The following NXPH2 variants were observed in gnomAD, a reference collection of about 807,000 sequenced individuals.
NXPH2 encodes the protein neurexophilin 2, also known as neurexophilin-2.
NXPH2 carries 5 observed loss-of-function variants against 19.8 expected under a neutral mutation model. That is an observed-to-expected ratio of 0.25 (90% CI 0.13 to 0.53). The LOEUF (loss-of-function observed/expected upper bound fraction) is 0.53, where lower values mean the gene tolerates loss of function less well. Among genes scored for constraint, NXPH2 ranks in the 20% least tolerant of loss-of-function variants. NXPH2 has a pLI of 0.96. For synonymous variants in NXPH2, 154 were observed against 127.4 expected, an observed-to-expected ratio of 1.21 and a Z score of -1.41; for missense variants, 289 against 322.8, an observed-to-expected ratio of 0.90 and a Z score of 0.80.
chr2:138,759,680 G>T (rs541030500), intron 1 of NXPH2, among the ~76,000 whole-genome samples: 1 of 151,670 alleles, frequency 6.6e-6, no homozygotes, highest in Admixed American at 6.6e-5. Context: ...AAGACAAAGC[G>T]GGTATGGATA....
chr2:138,716,168 C>T (rs1295409614), intron 1 of NXPH2, among the ~76,000 whole-genome samples: 1 of 152,154 alleles, frequency 6.6e-6, no homozygotes, highest in Non-Finnish European at 1.5e-5. Context: ...TACCGAACTC[C>T]ATTTTTTTAA....
At chr2:138,780,070 G>T in intron 1 of NXPH2, 121 bp downstream of exon 1, 1 of 977,974 alleles carries the variant, frequency 1.0e-6, no homozygotes, top group Non-Finnish European at 1.4e-6. Flanking sequence ...CTTGCCCTCC[G>T]CGCGCCCCCA....
intron 1 of NXPH2, among the ~76,000 whole-genome samples, chr2:138,752,354 A>C (rs1231156223): frequency 6.6e-6 from 1 of 152,122 alleles, no homozygotes; most frequent in Non-Finnish European, 1.5e-5. Context: ...AATTCAGGAG[A>C]GGGCCTCTTA....
chr2:138,723,136 A>G (rs1681305343), intron 1 of NXPH2, among the ~76,000 whole-genome samples: 1 of 151,664 alleles, frequency 6.6e-6, no homozygotes, highest in Non-Finnish European at 1.5e-5. Flanking sequence ...TTCACATTAA[A>G]GCAAAGCTAA....
intron 1 of NXPH2, among the ~76,000 whole-genome samples, chr2:138,756,463 T>G (rs926880055): frequency 6.6e-6 from 1 of 150,526 alleles, no homozygotes; most frequent in African/African-American, 2.4e-5. Context: ...TTTTTTTTTT[T>G]GCCTTTTTAT....
At chr2:138,759,917 G>C (rs1424166812) in intron 1 of NXPH2, among the ~76,000 whole-genome samples, 1 of 151,888 alleles carries the variant, frequency 6.6e-6, no homozygotes, top group Non-Finnish European at 1.5e-5. Context: ...TTTTAATAGA[G>C]ATGGGATTTC....
intron 1 of NXPH2, among the ~76,000 whole-genome samples, chr2:138,685,159 TG>T (rs1263179119): frequency 1.3e-5 from 2 of 152,348 alleles, no homozygotes; most frequent in East Asian, 3.9e-4. Flanking sequence ...AAAGCAAAAC[TG>T]AGGTTTCCTT....
chr2:138,707,573 C>T (rs1681036105), intron 1 of NXPH2, among the ~76,000 whole-genome samples: 2 of 152,224 alleles, frequency 1.3e-5, no homozygotes, highest in Non-Finnish European at 2.9e-5. Flanking sequence ...TATCACTTTC[C>T]TCTCACTAAA....
chr2:138,672,328 T>A (rs1215705615), intron 1 of NXPH2, among the ~76,000 whole-genome samples: 1 of 152,186 alleles, frequency 6.6e-6, no homozygotes, highest in African/African-American at 2.4e-5. Context: ...TAATAGGTTA[T>A]ATATGAGTTA....
At chr2:138,720,464 G>A (rs779779846) in intron 1 of NXPH2, among the ~76,000 whole-genome samples, 8 of 152,364 alleles carry the variant, frequency 5.3e-5, no homozygotes, top group Admixed American at 2.0e-4. Flanking sequence ...GCAAGGCCAC[G>A]TAGTCAAGAG....
intron 1 of NXPH2, among the ~76,000 whole-genome samples, chr2:138,706,912 C>A (rs1292640142): frequency 2.0e-5 from 3 of 150,032 alleles, no homozygotes; most frequent in Non-Finnish European, 3.0e-5. Context: ...TTAAAATAAA[C>A]TAAAATAAAG....
At chr2:138,750,482 G>T (rs1212902507) in intron 1 of NXPH2, among the ~76,000 whole-genome samples, 1 of 152,112 alleles carries the variant, frequency 6.6e-6, no homozygotes, top group Non-Finnish European at 1.5e-5. Flanking sequence ...TAGCCAAATT[G>T]TAGAGTTATA....
At chr2:138,682,904 A>G (rs930607435) in intron 1 of NXPH2, among the ~76,000 whole-genome samples, 29 of 152,198 alleles carry the variant, frequency 1.9e-4, no homozygotes, top group Admixed American at 6.5e-5. Flanking sequence ...CTCTAGACAC[A>G]CAGAAATATC....
At chr2:138,695,088 C>T (rs930038801) in intron 1 of NXPH2, among the ~76,000 whole-genome samples, 1 of 152,076 alleles carries the variant, frequency 6.6e-6, no homozygotes, top group Admixed American at 6.6e-5. Context: ...TATAGGACAA[C>T]CATCATATAT....
chr2:138,679,306 T>C (rs75368600), intron 1 of NXPH2, among the ~76,000 whole-genome samples: 2 of 152,182 alleles, frequency 1.3e-5, no homozygotes, highest in Non-Finnish European at 2.9e-5. Context: ...ACCCTTGCTG[T>C]CCTAGGCCAG....
intron 1 of NXPH2, among the ~76,000 whole-genome samples, chr2:138,757,305 T>C (rs1024940644): frequency 2.0e-5 from 3 of 152,188 alleles, no homozygotes; most frequent in Admixed American, 2.0e-4. Flanking sequence ...TCTTCTGAGA[T>C]GTAGAAGGCG....
At chr2:138,686,806 T>A (rs1364156623) in intron 1 of NXPH2, among the ~76,000 whole-genome samples, 2 of 151,510 alleles carry the variant, frequency 1.3e-5, no homozygotes, top group Non-Finnish European at 2.9e-5. Context: ...GCGGTGTTTG[T>A]TTTTTTTGTC....
intron 1 of NXPH2, among the ~76,000 whole-genome samples, chr2:138,768,501 C>G (rs561175371): frequency 6.6e-6 from 1 of 152,192 alleles, no homozygotes; most frequent in Non-Finnish European, 1.5e-5. Flanking sequence ...GCTTTCTCAA[C>G]CAGAACACAG....
intron 1 of NXPH2, among the ~76,000 whole-genome samples, chr2:138,754,109 C>G (rs1681865526): frequency 1.3e-5 from 2 of 152,044 alleles, no homozygotes; most frequent in African/African-American, 2.4e-5. Context: ...CCTGGGACTA[C>G]AGTTTCAAAT....
Sources: gnomAD v4.1 joint callset for allele counts (sites outside exome capture counted in the v4.1 genomes callset) on GRCh38, gnomAD v4.1.1 for gene constraint, MANE v1.5 for transcripts, NCBI Gene and HGNC (gene_info 2026-07-23, HGNC 2026-07-21) for gene names.